CEP112: variants seen among roughly 807,000 people sequenced by gnomAD.
CEP112 encodes centrosomal protein of 112 kDa.
CEP112 carries 127 observed loss-of-function variants against 153.0 expected under a neutral mutation model. The observed-to-expected ratio is 0.83, with a 90% confidence interval of 0.72 to 0.96. The LOEUF is 0.96. Ranked by LOEUF, CEP112 falls within the 40% of genes least tolerant of loss-of-function variation. The pLI, the probability that CEP112 is intolerant of heterozygous loss-of-function variation, is 0.00. For synonymous variants in CEP112, 358 were observed against 374.4 expected (o/e 0.96, Z 0.51); for missense variants, 1,089 against 1,101.2 (o/e 0.99, Z 0.16).
chr17:66,038,223 AT>A (rs1449599659), intron 12 of CEP112, among the ~76,000 whole-genome samples: 23 of 152,226 alleles, frequency 1.5e-4, no homozygotes, highest in Non-Finnish European at 2.9e-4. Context: ...TCACATGCAG[AT>A]AAGTATTACA....
chr17:65,733,391 C>T (rs2050624126), intron 23 of CEP112, among the ~76,000 whole-genome samples: 1 of 152,076 alleles, frequency 6.6e-6, no homozygotes, highest in East Asian at 1.9e-4. Flanking sequence ...CAAAATGTGA[C>T]ACAGAGACAC....
chr17:65,893,906 CTT>C (rs2059567749), intron 20 of CEP112, among the ~76,000 whole-genome samples: 2 of 152,084 alleles, frequency 1.3e-5, no homozygotes, highest in Non-Finnish European at 2.9e-5. Flanking sequence ...TTTGCCAGCT[CTT>C]TGAACATTTG....
At chr17:65,784,871 A>G (rs547768633) in intron 21 of CEP112, among the ~76,000 whole-genome samples, 5 of 152,322 alleles carry the variant, frequency 3.3e-5, no homozygotes, top group African/African-American at 1.2e-4. Flanking sequence ...GGTTTTTAGT[A>G]TATTCATAGA....
intron 25 of CEP112, among the ~76,000 whole-genome samples, chr17:65,639,300 T>G (rs1312310082): frequency 2.0e-5 from 3 of 152,188 alleles, no homozygotes; most frequent in Admixed American, 1.3e-4. Flanking sequence ...ATATATTTAT[T>G]AAGCACCTGT....
At chr17:65,932,294 CA>C (rs1372830444) in intron 18 of CEP112, among the ~76,000 whole-genome samples, 3 of 151,886 alleles carry the variant, frequency 2.0e-5, no homozygotes, top group Admixed American at 6.6e-5. Flanking sequence ...CTACAAAGGC[CA>C]AAAGAGGAAG....
intron 8 of CEP112, among the ~76,000 whole-genome samples, chr17:66,077,825 T>C (rs1267386572): frequency 1.3e-5 from 2 of 152,218 alleles, no homozygotes; most frequent in Non-Finnish European, 2.9e-5. Context: ...TTTCTCCCAC[T>C]CTGTGGGTTG....
At chr17:65,866,578 A>G (rs1371138528) in intron 20 of CEP112, among the ~76,000 whole-genome samples, 2 of 152,178 alleles carry the variant, frequency 1.3e-5, no homozygotes. Context: ...TCGGCCTGCC[A>G]TAGCCATCCA....
intron 17 of CEP112, among the ~76,000 whole-genome samples, chr17:65,968,924 T>C (rs974286665): frequency 3.9e-5 from 6 of 152,244 alleles, no homozygotes; most frequent in Non-Finnish European, 7.3e-5. Context: ...TATCCTTACA[T>C]AGCAATATTT....
chr17:65,698,776 T>C (rs541516766), intron 23 of CEP112, among the ~76,000 whole-genome samples: 2 of 152,264 alleles, frequency 1.3e-5, no homozygotes, highest in East Asian at 3.9e-4. Context: ...TGCAAGATCA[T>C]AGAGGAATTT....
At chr17:66,043,635 A>G (rs2066078855) in intron 12 of CEP112, among the ~76,000 whole-genome samples, 1 of 152,138 alleles carries the variant, frequency 6.6e-6, no homozygotes, top group South Asian at 2.1e-4. Flanking sequence ...AGACCCTATC[A>G]TTTTACAGCC....
intron 18 of CEP112, among the ~76,000 whole-genome samples, chr17:65,951,743 GCC>G (rs200238616): frequency 2.6e-5 from 2 of 78,356 alleles, no homozygotes; most frequent in African/African-American, 8.7e-5. Context: ...ATCTTCCCCC[GCC>G]CCCCCCTTTC....
At chr17:65,640,163 T>A (rs2045047998) in intron 25 of CEP112, among the ~76,000 whole-genome samples, 1 of 141,336 alleles carries the variant, frequency 7.1e-6, no homozygotes, top group African/African-American at 2.7e-5. Flanking sequence ...TATTTTTTTT[T>A]TTTTTTTTTT....
chr17:65,990,622 G>A (rs2063561004), intron 17 of CEP112, among the ~76,000 whole-genome samples: 1 of 152,220 alleles, frequency 6.6e-6, no homozygotes, highest in Non-Finnish European at 1.5e-5. Context: ...TCATCCCAAA[G>A]GTCAGAACTT....
chr17:65,832,388 A>G (rs2057117171), intron 21 of CEP112, among the ~76,000 whole-genome samples: 1 of 152,034 alleles, frequency 6.6e-6, no homozygotes, highest in Admixed American at 6.5e-5. Flanking sequence ...GCCATTCAAA[A>G]GATCAGTGAA....
intron 21 of CEP112, among the ~76,000 whole-genome samples, chr17:65,805,023 A>G (rs2145855063): frequency 6.6e-6 from 1 of 151,956 alleles, no homozygotes; most frequent in Middle Eastern, 3.4e-3. Flanking sequence ...TAATTTTTGT[A>G]TTTTTAGTAG....
intron 18 of CEP112, among the ~76,000 whole-genome samples, chr17:65,933,785 T>C (rs2061210328): frequency 1.3e-5 from 2 of 152,316 alleles, no homozygotes; most frequent in African/African-American, 2.4e-5. Flanking sequence ...AAGTAATACA[T>C]AGTCATACTC....
intron 12 of CEP112, among the ~76,000 whole-genome samples, chr17:66,035,396 T>C (rs898089112): frequency 6.6e-6 from 1 of 152,074 alleles, no homozygotes; most frequent in African/African-American, 2.4e-5. Flanking sequence ...TACTTGCCCA[T>C]CCTTATTTGT....
chr17:65,725,691 T>C (rs1343368426), intron 23 of CEP112, among the ~76,000 whole-genome samples: 1 of 152,200 alleles, frequency 6.6e-6, no homozygotes. Flanking sequence ...CAGTTCCACA[T>C]GGCTGGGGAG....
intron 24 of CEP112, among the ~76,000 whole-genome samples, chr17:65,667,904 T>A (rs2046776640): frequency 6.6e-6 from 1 of 151,654 alleles, no homozygotes; most frequent in Admixed American, 6.6e-5. Flanking sequence ...GGCACTTTTT[T>A]TTTTTTTTTC....
Sources: allele counts gnomAD v4.1 joint callset (sites outside exome capture counted in the v4.1 genomes callset), GRCh38; gene constraint gnomAD v4.1.1; transcripts MANE v1.5; gene names NCBI Gene and HGNC (gene_info 2026-07-23, HGNC 2026-07-21).